Variants in TRERF1 observed in about 807,000 individuals in gnomAD.
The protein encoded by TRERF1 is transcriptional-regulating factor 1.
TRERF1 carries 27 observed loss-of-function variants against 122.9 expected under a neutral mutation model. The ratio of observed to expected loss-of-function variants is 0.22; its 90% CI spans 0.16 to 0.30. The LOEUF (loss-of-function observed/expected upper bound fraction) is 0.30. TRERF1 is among the 10% of genes least tolerant of loss of function. TRERF1 has a pLI of 1.00. For synonymous variants in TRERF1, 636 were observed against 641.7 expected, an observed-to-expected ratio of 0.99 and a Z score of 0.13; for missense variants, 1,248 against 1,560.3, an observed-to-expected ratio of 0.80 and a Z score of 3.37.
At chr6:42,431,233 C>A (rs1450731589) in intron 2 of TRERF1, among the ~76,000 whole-genome samples, 1 of 151,748 alleles carries the variant, frequency 6.6e-6, no homozygotes, top group Non-Finnish European at 1.5e-5. Context: ...TTTTAAAATA[C>A]AGGCTACTTA....
intron 2 of TRERF1, among the ~76,000 whole-genome samples, chr6:42,426,570 T>C (rs1354740421): frequency 6.6e-6 from 1 of 152,224 alleles, no homozygotes; most frequent in Non-Finnish European, 1.5e-5. Flanking sequence ...ATGTGGGTCA[T>C]GATCACATCT....
rs771044110 is a variant in TRERF1, at chr6:42,263,459, A to G, written c.1745T>C (p.Met582Thr). Reference sequence around the variant, plus strand: ...GACAGGGACAGACACGGGCATGACCATAGGCGTGAGGCTTTCTGCCTCGGG... The same window carrying G: ...GACAGGGACAGACACGGGCATGACCGTAGGCGTGAGGCTTTCTGCCTCGGG... Residue 582 changes from methionine to threonine, a missense_variant, in exon 8 of 18, where the codon ATG becomes ACG. Met to Thr is a moderately conservative substitution (Grantham distance 81, BLOSUM62 -1). Around this residue, in one of 5 missense-constraint regions of TRERF1, gnomAD observed 946 missense variants for 1,073.0 expected, o/e 0.88. Transcript: ENST00000372922. This position sits in a 1 kb window ranked among gnomAD's most constrained non-coding sequence, Gnocchi z 5.6. 1.2e-6 allele frequency: 2 copies of G among 1,601,918 alleles called. No individual in the cohort carries two copies. The highest frequency in any genetic ancestry group is 1.7e-5 in the Admixed American group (1 of 58,806).
chr6:42,396,489 GAAT>G (rs1297813235), intron 2 of TRERF1, among the ~76,000 whole-genome samples: 1 of 152,150 alleles, frequency 6.6e-6, no homozygotes, highest in African/African-American at 2.4e-5. Flanking sequence ...AAATGATAGA[GAAT>G]AATAAATATT....
chr6:42,376,979 C>T (rs2151098382), intron 2 of TRERF1, among the ~76,000 whole-genome samples: 1 of 151,894 alleles, frequency 6.6e-6, no homozygotes, highest in Non-Finnish European at 1.5e-5. Context: ...GATTCTCCTT[C>T]CTCAGCCTCC....
At chr6:42,436,817 ATATATATATAT>A in intron 2 of TRERF1, among the ~76,000 whole-genome samples, 1 of 75,902 alleles carries the variant, frequency 1.3e-5, no homozygotes, top group African/African-American at 4.7e-5. Flanking sequence ...AAAAAAAAAT[ATATATATATAT>A]ATATATATAT....
At chr6:42,319,351 A>G (rs985522146) in intron 3 of TRERF1, among the ~76,000 whole-genome samples, 1 of 152,242 alleles carries the variant, frequency 6.6e-6, no homozygotes, top group African/African-American at 2.4e-5. Context: ...GACAGAGGCA[A>G]GGCATGTAGA....
chr6:42,270,517 A>AATAAC (rs1463437200), intron 4 of TRERF1, among the ~76,000 whole-genome samples: 1 of 152,238 alleles, frequency 6.6e-6, no homozygotes, highest in African/African-American at 2.4e-5. Flanking sequence ...TTAGACACCT[A>AATAAC]TTAACTGTAA....
chr6:42,429,002 A>G (rs908515278), intron 2 of TRERF1, among the ~76,000 whole-genome samples: 5 of 152,116 alleles, frequency 3.3e-5, no homozygotes, highest in African/African-American at 1.2e-4. Flanking sequence ...CTGTGGTTGG[A>G]GACTTGACTC....
chr6:42,262,610 G>T (rs369502736), intron 8 of TRERF1, among the ~76,000 whole-genome samples: 1 of 11,962 alleles, frequency 8.4e-5, no homozygotes, highest in African/African-American at 4.1e-4. Flanking sequence ...ACAGACAGAC[G>T]GAAACCCTTC....
chr6:42,303,357 A>G (rs1204720510), intron 3 of TRERF1, among the ~76,000 whole-genome samples: 1 of 152,242 alleles, frequency 6.6e-6, no homozygotes, highest in African/African-American at 2.4e-5. Flanking sequence ...TAGCATGGAC[A>G]TGGGGCAGAA....
At chr6:42,430,565 C>T (rs969976461) in intron 2 of TRERF1, among the ~76,000 whole-genome samples, 4 of 151,804 alleles carry the variant, frequency 2.6e-5, no homozygotes, top group African/African-American at 9.7e-5. Context: ...GCCTGGACAA[C>T]ATGGTGAAAC....
At chr6:42,285,611 C>T (rs1253481806) in intron 4 of TRERF1, among the ~76,000 whole-genome samples, 1 of 150,386 alleles carries the variant, frequency 6.6e-6, no homozygotes, top group Admixed American at 6.6e-5. Flanking sequence ...ATGATATTGG[C>T]TGTGGGTTTG....
intron 16 of TRERF1, among the ~76,000 whole-genome samples, chr6:42,234,719 T>C (rs930964756): frequency 1.3e-5 from 2 of 152,174 alleles, no homozygotes; most frequent in African/African-American, 2.4e-5. Flanking sequence ...AGGCAAGGAA[T>C]AAAATAAAAC....
intron 2 of TRERF1, among the ~76,000 whole-genome samples, chr6:42,374,150 A>AAAAAAGAAG (rs1554193489): frequency 1.4e-5 from 2 of 143,962 alleles, no homozygotes; most frequent in Non-Finnish European, 3.0e-5. Context: ...AAAAAAAAAA[A>AAAAAAGAAG]AAGAAGAAGA....
intron 4 of TRERF1, among the ~76,000 whole-genome samples, chr6:42,277,380 A>T (rs922828074): frequency 6.7e-6 from 1 of 150,238 alleles, no homozygotes; most frequent in African/African-American, 2.5e-5. Flanking sequence ...TGGGGTTGCC[A>T]GTTGCCCTTT....
At chr6:42,230,238 A>G (rs1296018245) in intron 17 of TRERF1, among the ~76,000 whole-genome samples, 1 of 152,158 alleles carries the variant, frequency 6.6e-6, no homozygotes, top group African/African-American at 2.4e-5. Context: ...TCTAAGAGGT[A>G]TTTTGTGAAC....
Position 42,268,548 on chromosome 6 carries a change from G to C in TRERF1, c.1043C>G (p.Pro348Arg). The C allele has an allele frequency of 6.2e-7, 1 of 1,614,158 alleles. No individual in the cohort carries two copies. The highest frequency in any genetic ancestry group is 2.2e-5 in the East Asian group (1 of 44,886). Residue 348 changes from proline to arginine, a missense_variant, in exon 5 of 18, where the codon CCT becomes CGT. Around this residue, in one of 5 missense-constraint regions of TRERF1, gnomAD observed 946 missense variants for 1,073.0 expected, o/e 0.88. Transcript: ENST00000372922. This position sits in a 1 kb window ranked among gnomAD's most constrained non-coding sequence, Gnocchi z 4.4. ...GTGAGGGTCCCTGTGATAAGAAGGA[G>C]GCTGCAGGTGCATCTGTTGCTGCTG...
At chr6:42,371,123 C>T (rs997126188) in intron 2 of TRERF1, among the ~76,000 whole-genome samples, 2 of 152,082 alleles carry the variant, frequency 1.3e-5, no homozygotes, top group Non-Finnish European at 2.9e-5. Flanking sequence ...AGAGGGGTGG[C>T]GGAGTGCTCT....
chr6:42,436,831 AT>A (rs1785526721), intron 2 of TRERF1, among the ~76,000 whole-genome samples: 11 of 141,060 alleles, frequency 7.8e-5, no homozygotes, highest in Admixed American at 2.1e-4. Context: ...ATATATATAT[AT>A]ATATATATAT....
Sources: allele counts gnomAD v4.1 joint callset (sites outside exome capture counted in the v4.1 genomes callset), GRCh38; gene constraint gnomAD v4.1.1; regional missense constraint gnomAD v4.1.1; non-coding constraint Gnocchi (gnomAD v3.1); transcripts MANE v1.5; gene names NCBI Gene and HGNC (gene_info 2026-07-23, HGNC 2026-07-21).